Variants in ANKRD11 observed in about 807,000 individuals in gnomAD.
ANKRD11 encodes the protein ankyrin repeat domain 11.
A neutral mutation model predicts 195.7 loss-of-function variants in ANKRD11; 17 were observed. The ratio of observed to expected loss-of-function variants is 0.09; its 90% CI spans 0.06 to 0.13. The LOEUF (loss-of-function observed/expected upper bound fraction) is 0.13. ANKRD11 is among the 10% of genes least tolerant of loss of function. The pLI, the probability that ANKRD11 is intolerant of heterozygous loss-of-function variation, is 1.00. For synonymous variants in ANKRD11, 1,953 were observed against 1,528.1 expected, an observed-to-expected ratio of 1.28 and a Z score of -6.49; for missense variants, 3,735 against 3,566.1, an observed-to-expected ratio of 1.05 and a Z score of -1.21.
intron 9 of ANKRD11, chr16:89,278,439 GC>G (rs1380076660): frequency 4.6e-6 from 2 of 438,016 alleles, no homozygotes; most frequent in African/African-American, 4.0e-5. Context: ...CCCAGACGTA[GC>G]GCAAGGAGCT....
chr16:89,314,382 G>C (rs560103329), intron 3 of ANKRD11, among the ~76,000 whole-genome samples: 1 of 152,244 alleles, frequency 6.6e-6, no homozygotes, highest in Non-Finnish European at 1.5e-5. Context: ...AACAGAGCTC[G>C]CATCGACATT....
chr16:89,389,242 C>T (rs986627308), intron 2 of ANKRD11, among the ~76,000 whole-genome samples: 1 of 151,730 alleles, frequency 6.6e-6, no homozygotes, highest in South Asian at 2.1e-4. Flanking sequence ...CCAGTCTGGT[C>T]TCAAACTCCT....
chr16:89,418,587 G>A, intron 1 of ANKRD11: 1 of 202,312 alleles, frequency 4.9e-6, no homozygotes, highest in South Asian at 7.3e-5. Flanking sequence ...ACAACTTAAA[G>A]GTAAATCCAA....
intron 2 of ANKRD11, among the ~76,000 whole-genome samples, chr16:89,410,750 C>G (rs1405498769): frequency 6.6e-6 from 1 of 152,224 alleles, no homozygotes; most frequent in Non-Finnish European, 1.5e-5. Flanking sequence ...TACAAAGAAC[C>G]CTCGCTTCTC....
At chr16:89,443,287 C>T (rs1279079273) in intron 1 of ANKRD11, 2 of 152,160 alleles carry the variant, frequency 1.3e-5, no homozygotes, top group South Asian at 2.1e-4. Flanking sequence ...TATTTCAAAT[C>T]GAACTTGTTC....
chr16:89,410,824 G>A (rs1236637719), intron 2 of ANKRD11, among the ~76,000 whole-genome samples: 1 of 152,250 alleles, frequency 6.6e-6, no homozygotes, highest in African/African-American at 2.4e-5. Flanking sequence ...CTTAACAGAA[G>A]GGGGTGGGGA....
intron 4 of ANKRD11, among the ~76,000 whole-genome samples, chr16:89,296,406 TCTCA>T (rs903271159): frequency 1.4e-4 from 21 of 152,192 alleles, no homozygotes; most frequent in African/African-American, 4.8e-4. Flanking sequence ...AGGCTTCCTG[TCTCA>T]CTTTCTTTCT....
intron 2 of ANKRD11, among the ~76,000 whole-genome samples, chr16:89,361,248 G>A (rs376170757): frequency 2.6e-5 from 4 of 152,196 alleles, no homozygotes; most frequent in African/African-American, 9.6e-5. Context: ...CTCCCGCAGA[G>A]GGCCTGCCCC....
chr16:89,300,947 C>G (rs1160007696), intron 4 of ANKRD11: 2 of 693,858 alleles, frequency 2.9e-6, no homozygotes, highest in East Asian at 5.4e-5. Context: ...CCAGGACAAG[C>G]AGGACCCCGG....
intron 1 of ANKRD11, among the ~76,000 whole-genome samples, chr16:89,445,841 T>C (rs1483244537): frequency 6.6e-6 from 1 of 151,944 alleles, no homozygotes; most frequent in Non-Finnish European, 1.5e-5. Context: ...AGGTGGTGCA[T>C]GCCTGTAATC....
intron 1 of ANKRD11, among the ~76,000 whole-genome samples, chr16:89,441,931 A>G (rs1326610027): frequency 1.3e-5 from 2 of 152,166 alleles, no homozygotes; most frequent in Admixed American, 6.5e-5. Flanking sequence ...CATCCATGCA[A>G]AGACCTTTCC....
rs202074713 is a variant in ANKRD11 at position 89,290,618 on chromosome 16, T to G, written c.601+7A>C. On this transcript the variant is annotated splice_region_variant and intron_variant, in intron 6 of 12. Transcript: ENST00000301030. Reference sequence around the variant, plus strand: ...TCTCTGGCCCTTGCCAGGCACAGGGTGCCCACCTGCGAAGTCCTTGACGTT... The same window carrying G: ...TCTCTGGCCCTTGCCAGGCACAGGGGGCCCACCTGCGAAGTCCTTGACGTT... 1.9e-6 allele frequency: 3 copies of G among 1,611,368 alleles called. No homozygotes were observed. The highest frequency in any genetic ancestry group is 2.5e-6 in the Non-Finnish European group (3 of 1,179,884).
chr16:89,339,490 G>A (rs570453121), intron 2 of ANKRD11, among the ~76,000 whole-genome samples: 1 of 152,220 alleles, frequency 6.6e-6, no homozygotes, highest in African/African-American at 2.4e-5. Flanking sequence ...CAGCGCATGT[G>A]AAGAGTCAGA....
chr16:89,475,837 G>A (rs754151193), intron 1 of ANKRD11, among the ~76,000 whole-genome samples: 10 of 152,086 alleles, frequency 6.6e-5, no homozygotes, highest in Non-Finnish European at 1.3e-4. Context: ...ATCAATTGAG[G>A]TGAGGAGTTC....
At chr16:89,436,818 T>A (rs995352554) in intron 1 of ANKRD11, among the ~76,000 whole-genome samples, 2 of 152,240 alleles carry the variant, frequency 1.3e-5, no homozygotes, top group African/African-American at 4.8e-5. Flanking sequence ...TAGAGAACTG[T>A]TAGAGACCCC....
In ANKRD11 at chr16:89,404,130, C is replaced by T. The variant is rs2041814417; in HGVS notation, c.-60+14154G>A. ...ACATGATTGTGAAGAATCAGGAGTCCTCTCAGCACCAACAGACAGTCATGG... is the reference window on the plus strand; with the variant it reads ...ACATGATTGTGAAGAATCAGGAGTCTTCTCAGCACCAACAGACAGTCATGG... On this transcript the variant is annotated intron_variant, in intron 2 of 12. Transcript: ENST00000301030. 2.6e-5 allele frequency among the ~76,000 whole-genome samples: 4 copies of T among 152,280 alleles called. No individual in the cohort carries two copies. In the South Asian group the frequency reaches 8.3e-4, roughly 32 times the overall value.
At chr16:89,425,368 A>G (rs1205936843) in intron 1 of ANKRD11, among the ~76,000 whole-genome samples, 2 of 152,204 alleles carry the variant, frequency 1.3e-5, no homozygotes, top group Non-Finnish European at 2.9e-5. Flanking sequence ...ATGGACATGA[A>G]TCTGCTATTA....
chr16:89,328,580 C>T (rs905232629), intron 2 of ANKRD11, among the ~76,000 whole-genome samples: 1 of 150,968 alleles, frequency 6.6e-6, no homozygotes, highest in South Asian at 2.1e-4. Flanking sequence ...AGTGGACACA[C>T]CCAGGCGTAC....
chr16:89,346,047 G>C (rs2038921742), intron 2 of ANKRD11, among the ~76,000 whole-genome samples: 1 of 151,940 alleles, frequency 6.6e-6, no homozygotes. Flanking sequence ...TTTGAGACCA[G>C]GCTGGCCAAC....
Sources: gnomAD v4.1 joint callset for allele counts (sites outside exome capture counted in the v4.1 genomes callset) on GRCh38, gnomAD v4.1.1 for gene constraint, MANE v1.5 for transcripts, NCBI Gene and HGNC (gene_info 2026-07-23, HGNC 2026-07-21) for gene names.